The following MEGF10 variants were observed in gnomAD, a reference collection of about 807,000 sequenced individuals.
MEGF10 encodes the protein multiple EGF like domains 10.
Under a neutral mutation model 147.5 loss-of-function variants are expected in MEGF10, and 86 were observed. The observed-to-expected ratio is 0.58, with a 90% CI of 0.49 to 0.70. MEGF10 has a LOEUF of 0.70. Ranked by LOEUF, MEGF10 falls within the 30% of genes least tolerant of loss-of-function variation. The probability of loss-of-function intolerance (pLI) is 0.00; values close to 1 mark genes in which losing one functional copy is unlikely to be tolerated. For missense variants in MEGF10, 1,329 were observed against 1,487.3 expected, an observed-to-expected ratio of 0.89 and a Z score of 1.75; for synonymous variants, 478 against 525.5, an observed-to-expected ratio of 0.91 and a Z score of 1.24.
chr5:127,300,943 CT>C (rs1476862665), intron 1 of MEGF10, among the ~76,000 whole-genome samples: 2 of 152,208 alleles, frequency 1.3e-5, no homozygotes, highest in Non-Finnish European at 2.9e-5. Context: ...AGCAGCAAAT[CT>C]TTTCATTCCC....
chr5:127,252,003 T>C, the MEGF10 span, among the ~76,000 whole-genome samples: 1 of 151,918 alleles, frequency 6.6e-6, no homozygotes, highest in African/African-American at 2.4e-5. Context: ...AAATGTTCAA[T>C]AAACCCTACA....
At chr5:127,270,879 G>A in the MEGF10 span, among the ~76,000 whole-genome samples, 1 of 152,174 alleles carries the variant, frequency 6.6e-6, no homozygotes, top group Non-Finnish European at 1.5e-5. Context: ...CTCCATCCAA[G>A]TCCCTGCAAA....
At chr5:127,407,372 G>A (rs977126437) in intron 8 of MEGF10, among the ~76,000 whole-genome samples, 2 of 152,104 alleles carry the variant, frequency 1.3e-5, no homozygotes, top group African/African-American at 2.4e-5. Flanking sequence ...CCCCTTACAC[G>A]TTAACTCACT....
intron 13 of MEGF10, among the ~76,000 whole-genome samples, chr5:127,428,330 G>T (rs1002394373): frequency 6.6e-6 from 1 of 151,934 alleles, no homozygotes; most frequent in Non-Finnish European, 1.5e-5. Context: ...GTGTCTCCAG[G>T]TTCTATGCAA....
intron 1 of MEGF10, among the ~76,000 whole-genome samples, chr5:127,310,673 C>A (rs991064805): frequency 7.2e-5 from 11 of 152,102 alleles, no homozygotes; most frequent in African/African-American, 2.7e-4. Context: ...ATTCTCTTCT[C>A]TTCTTCTCAG....
intron 5 of MEGF10, among the ~76,000 whole-genome samples, chr5:127,377,727 A>G (rs1395701569): frequency 6.6e-6 from 1 of 152,252 alleles, no homozygotes; most frequent in Admixed American, 6.5e-5. Flanking sequence ...TTTCCTAGCA[A>G]AGTCTGCTGT....
intron 10 of MEGF10, among the ~76,000 whole-genome samples, chr5:127,418,758 G>A (rs1764872107): frequency 1.3e-5 from 2 of 152,126 alleles, no homozygotes. Flanking sequence ...TTATATTGAT[G>A]TTTATTTATT....
chr5:127,378,134 C>T (rs936270895), intron 5 of MEGF10, among the ~76,000 whole-genome samples: 7 of 152,128 alleles, frequency 4.6e-5, no homozygotes, highest in African/African-American at 1.7e-4. Flanking sequence ...TGTCACCCAC[C>T]CTGGAATGGA....
chr5:127,449,772 G>A (rs1488031599), intron 22 of MEGF10, among the ~76,000 whole-genome samples: 1 of 152,126 alleles, frequency 6.6e-6, no homozygotes, highest in African/African-American at 2.4e-5. Context: ...TGGATCAGTG[G>A]TTCGGGCAAC....
At chr5:127,422,299 T>C (rs1474463131) in intron 12 of MEGF10, among the ~76,000 whole-genome samples, 2 of 151,970 alleles carry the variant, frequency 1.3e-5, no homozygotes. Context: ...GGCGAGTGGA[T>C]CACCTGAGGT....
At chr5:127,323,694 T>G (rs1286176010) in intron 1 of MEGF10, among the ~76,000 whole-genome samples, 1 of 152,232 alleles carries the variant, frequency 6.6e-6, no homozygotes, top group Non-Finnish European at 1.5e-5. Flanking sequence ...CAACAAAGAT[T>G]TATTACTCAC....
chr5:127,312,699 A>G (rs927259615), intron 1 of MEGF10, among the ~76,000 whole-genome samples: 2 of 152,182 alleles, frequency 1.3e-5, no homozygotes, highest in African/African-American at 2.4e-5. Flanking sequence ...CTGGGGTACA[A>G]CCAGTTTCCT....
At chr5:127,236,080 C>T in the MEGF10 span, among the ~76,000 whole-genome samples, 4 of 152,110 alleles carry the variant, frequency 2.6e-5, no homozygotes, top group Admixed American at 2.6e-4. Context: ...TCAAGTGATT[C>T]TCTTGCCTCA....
chr5:127,376,033 G>T lies in MEGF10; in HGVS notation c.412+6031G>T, dbSNP rs117955991. Among the ~76,000 whole-genome samples the T allele has an allele frequency of 1.2e-3, 187 of 152,314 alleles. No homozygotes were observed. In the East Asian group the frequency reaches 0.019, roughly 15 times the overall value. On this transcript the variant is annotated intron_variant, in intron 5 of 24. Transcript: ENST00000503335. ...AAAGAGAACTGCCTCTGTAGAAGAA[G>T]TAGATTGAGGGAAACTGGATGGAGT...
intron 4 of MEGF10, among the ~76,000 whole-genome samples, chr5:127,367,135 T>C (rs924256988): frequency 4.6e-5 from 7 of 152,128 alleles, no homozygotes; most frequent in African/African-American, 1.7e-4. Context: ...AAAACCAAAG[T>C]TTAATCTCCA....
chr5:127,345,523 A>G lies in MEGF10; in HGVS notation c.319+4893A>G, dbSNP rs543724566. 5.9e-5 allele frequency among the ~76,000 whole-genome samples: 9 copies of G among 152,286 alleles called. No individual in the cohort carries two copies. The East Asian group carries it at 1.7e-3, about 29-fold the overall frequency. ...TGATTAGAAAAAAAGAAAGGATTGG[A>G]AATTTTTTAATTAAAATATTACTAG... is the stretch of plus-strand genomic sequence containing the variant. On this transcript the variant is annotated intron_variant, in intron 4 of 24. Transcript: ENST00000503335.
chr5:127,393,963 T>G (rs1763807424), intron 5 of MEGF10, among the ~76,000 whole-genome samples: 1 of 152,130 alleles, frequency 6.6e-6, no homozygotes, highest in Admixed American at 6.5e-5. Context: ...TTCCTCTACT[T>G]CTCCCTACCT....
chr5:127,420,256 G>A lies in MEGF10; in HGVS notation c.1590+49G>A. 5.7e-6 allele frequency: 9 copies of A among 1,575,854 alleles called. No homozygotes were observed. In the South Asian group the frequency reaches 1.1e-4, roughly 18 times the overall value. ...CGGAAAACGCCTATGAGGAACTGAT[G>A]TTGTAAAGTTGGCTTCTTTTTGCAT... On this transcript the variant is annotated intron_variant, in intron 12 of 24. Transcript: ENST00000503335.
chr5:127,454,585 A>C lies in MEGF10; in HGVS notation c.3000A>C (p.Arg1000Ser). 2 of 1,608,978 alleles carry C rather than the reference A, an allele frequency of 1.2e-6. No individual in the cohort carries two copies. Among genetic ancestry groups the C allele is most frequent in the Non-Finnish European group, 1.7e-6 (2 of 1,178,170 alleles). Residue 1000 changes from arginine to serine, a missense_variant, in exon 23 of 25, where the codon AGA (arginine) becomes AGC (serine). Physicochemically the swap from Arg to Ser is moderately radical, Grantham distance 110 (BLOSUM62 -1). Coordinates refer to ENST00000503335, the MANE Select transcript of MEGF10 (RefSeq NM_001256545.2). ...LNELGAFGLD[R>S]SYMGKSLKDL... is the part of the protein sequence containing the mutation. ...TTACAGGTGCTTTTGGACTTGACAG[A>C]AGCTATATGGGAAAATCCTTAAAAG...
Sources: gnomAD v4.1 joint callset for allele counts (sites outside exome capture counted in the v4.1 genomes callset) on GRCh38, gnomAD v4.1.1 for gene constraint, MANE v1.5 for transcripts, NCBI Gene and HGNC (gene_info 2026-07-23, HGNC 2026-07-21) for gene names.